Variants in EYS observed in about 807,000 individuals in gnomAD.
The protein encoded by EYS is protein eyes shut homolog.
Under a neutral mutation model 282.1 loss-of-function variants are expected in EYS, and 250 were observed. The observed-to-expected ratio is 0.89, with a 90% CI of 0.80 to 0.98. The LOEUF is 0.98. EYS is among the 50% of genes least tolerant of loss of function. The pLI is 0.00. For missense variants in EYS, 4,016 were observed against 3,709.0 expected (o/e 1.08, Z -2.15); for synonymous variants, 1,355 against 1,282.9 (o/e 1.06, Z -1.20).
intron 33 of EYS, among the ~76,000 whole-genome samples, chr6:64,063,141 A>AT (rs1172528747): frequency 2.6e-5 from 4 of 152,004 alleles, no homozygotes; most frequent in African/African-American, 7.2e-5. Flanking sequence ...ATTCTAGGCA[A>AT]TTTTTTTCTA....
At chr6:65,147,694 A>T (rs1764512374) in intron 12 of EYS, among the ~76,000 whole-genome samples, 1 of 152,092 alleles carries the variant, frequency 6.6e-6, no homozygotes, top group South Asian at 2.1e-4. Flanking sequence ...GCTTCTAAAC[A>T]AAATACATGA....
intron 36 of EYS, among the ~76,000 whole-genome samples, chr6:63,829,898 A>G (rs1302439147): frequency 6.6e-6 from 1 of 152,220 alleles, no homozygotes; most frequent in African/African-American, 2.4e-5. Context: ...AACGTCTGCC[A>G]TTCTGCAATA....
intron 35 of EYS, among the ~76,000 whole-genome samples, chr6:63,913,534 A>G (rs1172907139): frequency 1.3e-5 from 2 of 152,056 alleles, no homozygotes; most frequent in Non-Finnish European, 2.9e-5. Flanking sequence ...CTACTCATCT[A>G]TTTTCTGTCT....
At chr6:63,801,265 AG>A (rs1770776193) in intron 37 of EYS, among the ~76,000 whole-genome samples, 1 of 152,164 alleles carries the variant, frequency 6.6e-6, no homozygotes, top group African/African-American at 2.4e-5. Flanking sequence ...CAATGAGAAT[AG>A]AAAGAAGGAG....
chr6:65,006,029 C>T (rs1191835563), intron 13 of EYS, among the ~76,000 whole-genome samples: 6 of 151,988 alleles, frequency 3.9e-5, no homozygotes, highest in African/African-American at 1.5e-4. Context: ...CCAAAGGGAT[C>T]TAAGGAGGCT....
Position 64,660,696 on chromosome 6 carries a change from C to T in EYS, c.3444-34451G>A, listed in dbSNP as rs567243027. Among the ~76,000 whole-genome samples, 15 of 152,244 alleles carry T rather than the reference C, an allele frequency of 9.9e-5. No individual in the cohort carries two copies. The East Asian group carries it at 2.9e-3, about 29-fold the overall frequency. ...AATTTACAAGGGATGTGAAGGACCT[C>T]TTCAAGGAGAACTACAAACCACTGC... On this transcript the variant is annotated intron_variant, in intron 22 of 42. Transcript: ENST00000503581.
At chr6:63,966,119 C>T (rs1038972020) in intron 35 of EYS, among the ~76,000 whole-genome samples, 4 of 152,058 alleles carry the variant, frequency 2.6e-5, no homozygotes, top group Admixed American at 1.3e-4. Flanking sequence ...TGGTAGATGC[C>T]CATCAATCAA....
intron 13 of EYS, among the ~76,000 whole-genome samples, chr6:65,050,914 T>G (rs1561940986): frequency 1.3e-5 from 2 of 151,736 alleles, no homozygotes; most frequent in African/African-American, 2.4e-5. Context: ...TTTATTTTGC[T>G]GAGTTTTGTT....
intron 33 of EYS, among the ~76,000 whole-genome samples, chr6:64,059,057 T>C (rs1771076924): frequency 6.6e-6 from 1 of 152,198 alleles, no homozygotes; most frequent in Admixed American, 6.5e-5. Context: ...CTGGAACTTT[T>C]TGTTCTCATC....
intron 13 of EYS, among the ~76,000 whole-genome samples, chr6:65,002,737 C>G (rs1296355915): frequency 6.8e-6 from 1 of 147,694 alleles, no homozygotes; most frequent in Non-Finnish European, 1.5e-5. Flanking sequence ...AACAGAGGGA[C>G]CGGCTGAAGC....
intron 2 of EYS, among the ~76,000 whole-genome samples, chr6:65,523,447 T>C (rs1328553034): frequency 6.6e-6 from 1 of 152,110 alleles, no homozygotes; most frequent in Non-Finnish European, 1.5e-5. Context: ...AAATAGTGCA[T>C]GATCTCACTT....
At chr6:64,758,911 G>T (rs986444415) in intron 22 of EYS, among the ~76,000 whole-genome samples, 1 of 152,118 alleles carries the variant, frequency 6.6e-6, no homozygotes, top group Non-Finnish European at 1.5e-5. Flanking sequence ...GGCCGAGGTC[G>T]GCGGATCACT....
chr6:64,760,206 CT>C (rs1773113533), intron 22 of EYS, among the ~76,000 whole-genome samples: 1 of 152,150 alleles, frequency 6.6e-6, no homozygotes, highest in South Asian at 2.1e-4. Flanking sequence ...AGCATCTGTA[CT>C]TTTCCACTCT....
At chr6:65,576,234 C>T (rs1459153254) in intron 2 of EYS, among the ~76,000 whole-genome samples, 1 of 151,846 alleles carries the variant, frequency 6.6e-6, no homozygotes, top group Non-Finnish European at 1.5e-5. Context: ...TTACTATAAT[C>T]AAGTGGAGGA....
At chr6:63,812,596 A>C (rs1375436365) in intron 36 of EYS, among the ~76,000 whole-genome samples, 1 of 152,174 alleles carries the variant, frequency 6.6e-6, no homozygotes, top group Non-Finnish European at 1.5e-5. Context: ...CTAATTGGGC[A>C]TAAGATACAT....
intron 29 of EYS, among the ~76,000 whole-genome samples, chr6:64,343,495 T>G (rs1326239998): frequency 2.0e-5 from 3 of 152,144 alleles, no homozygotes; most frequent in East Asian, 1.9e-4. Context: ...AATAAAGATG[T>G]TCTTTGAAAC....
At chr6:64,112,581 A>G (rs1316882189) in intron 31 of EYS, among the ~76,000 whole-genome samples, 4 of 151,822 alleles carry the variant, frequency 2.6e-5, no homozygotes, top group African/African-American at 9.7e-5. Context: ...ACAACATTAT[A>G]CATTGACAAC....
At chr6:63,774,671 G>T (rs1478346853) in intron 40 of EYS, among the ~76,000 whole-genome samples, 1 of 151,906 alleles carries the variant, frequency 6.6e-6, no homozygotes, top group Non-Finnish European at 1.5e-5. Context: ...ATTCCACAAT[G>T]TATATATATT....
intron 29 of EYS, among the ~76,000 whole-genome samples, chr6:64,327,591 C>T (rs1165772298): frequency 2.6e-5 from 4 of 152,092 alleles, no homozygotes; most frequent in Non-Finnish European, 2.9e-5. Flanking sequence ...CATATATTGA[C>T]TCCTGGCTAA....
Sources: allele counts gnomAD v4.1 joint callset (sites outside exome capture counted in the v4.1 genomes callset), GRCh38; gene constraint gnomAD v4.1.1; transcripts MANE v1.5; gene names NCBI Gene and HGNC (gene_info 2026-07-23, HGNC 2026-07-21).